RRBP1: variants seen among roughly 807,000 people sequenced by gnomAD.
RRBP1 encodes the protein ribosome-binding protein 1.
In RRBP1, 94 loss-of-function variants were observed where a neutral mutation model predicts 165.2. That is an observed-to-expected ratio of 0.57 (90% CI 0.48 to 0.68). RRBP1 has a LOEUF of 0.68. Among genes scored for constraint, RRBP1 ranks in the 30% least tolerant of loss-of-function variants. The pLI is 0.00. For missense variants in RRBP1, 1,676 were observed against 1,763.0 expected, an observed-to-expected ratio of 0.95 and a Z score of 0.88; for synonymous variants, 680 against 714.5, an observed-to-expected ratio of 0.95 and a Z score of 0.77.
At chr20:17,681,854 A>G (rs1245066024) in intron 1 of RRBP1, among the ~76,000 whole-genome samples, 174 bp downstream of exon 1, 1 of 145,934 alleles carries the variant, frequency 6.9e-6, no homozygotes, top group Non-Finnish European at 1.5e-5. Context: ...CCCCGCCCCG[A>G]GTCCGACCCC....
In RRBP1 at chr20:17,621,788, A is replaced by G; in HGVS notation, c.3241-15T>C. ...TCGGTGTAATTCTGCAATGAAACAC[A>G]TTCGGTGAGACCCGGGGACATTCCC... On this transcript the variant is annotated splice_polypyrimidine_tract_variant and intron_variant, in intron 14 of 24. Transcript: ENST00000377813. 6.2e-7 allele frequency: 1 copy of G among 1,613,774 alleles called. No individual in the cohort carries two copies. Among genetic ancestry groups the G allele is most frequent in the Non-Finnish European group, 8.5e-7 (1 of 1,179,874 alleles).
intron 2 of RRBP1, among the ~76,000 whole-genome samples, chr20:17,663,615 G>T (rs551534115): frequency 3.3e-5 from 5 of 152,178 alleles, no homozygotes; most frequent in Non-Finnish European, 4.4e-5. Context: ...CAAAGAAATC[G>T]AAATGAAAAA....
chr20:17,620,709 A>C lies in RRBP1; in HGVS notation c.3507+6T>G, dbSNP rs2035897557. ...GGCGCCGGGAGGCAGGCAGGGCTGC[A>C]TATACCTTCTGGAGCTCCTCCTCTG... On this transcript the variant is annotated splice_donor_region_variant and intron_variant, in intron 17 of 24. Coordinates refer to ENST00000377813, the MANE Select transcript of RRBP1 (RefSeq NM_001365613.2). 1.9e-6 allele frequency: 3 copies of C among 1,600,676 alleles called. No individual in the cohort carries two copies. The highest frequency in any genetic ancestry group is 2.5e-6 in the Non-Finnish European group (3 of 1,176,542).
intron 3 of RRBP1, among the ~76,000 whole-genome samples, chr20:17,646,061 C>G (rs2036456937): frequency 6.6e-6 from 1 of 152,144 alleles, no homozygotes; most frequent in Non-Finnish European, 1.5e-5. Flanking sequence ...AGCAACACCC[C>G]AGGGGCCAGG....
rs762636388 is a variant in RRBP1, at chr20:17,658,942, T to C, written c.1566A>G (p.Thr522=). 4.3e-6 allele frequency: 7 copies of C among 1,612,828 alleles called. No individual in the cohort carries two copies. The South Asian group carries it at 7.7e-5, about 18-fold the overall frequency. ...GEGAQNQGKK[T]EGAQGKKAER... ...CTGCCTTTTTGCCCTGAGCCCCTTCTGTCTTTTTACCCTGATTCTGGGCTC... is the reference window on the plus strand; with the variant it reads ...CTGCCTTTTTGCCCTGAGCCCCTTCCGTCTTTTTACCCTGATTCTGGGCTC... Residue 522 remains threonine, a synonymous_variant, in exon 3 of 25, where the codon ACA becomes ACG. Coordinates refer to ENST00000377813, the MANE Select transcript of RRBP1 (RefSeq NM_001365613.2).
intron 2 of RRBP1, among the ~76,000 whole-genome samples, chr20:17,672,916 C>T (rs2037004681): frequency 6.6e-6 from 1 of 152,174 alleles, no homozygotes; most frequent in African/African-American, 2.4e-5. Flanking sequence ...CAAGTTCAAA[C>T]ACAAGCAAAA....
At chr20:17,656,432 T>C (rs2036647069) in intron 3 of RRBP1, among the ~76,000 whole-genome samples, 1 of 152,204 alleles carries the variant, frequency 6.6e-6, no homozygotes, top group African/African-American at 2.4e-5. Flanking sequence ...ATTAAATCTA[T>C]TTCATCCAAA....
At chr20:17,636,356 TC>T (rs2069208434) in intron 6 of RRBP1, among the ~76,000 whole-genome samples, 2 of 152,194 alleles carry the variant, frequency 1.3e-5, no homozygotes, top group African/African-American at 4.8e-5. Flanking sequence ...ATTTCATACC[TC>T]CCTGGCTTTT....
Position 17,620,756 on chromosome 20 carries a change from A to T in RRBP1, c.3466T>A (p.Trp1156Arg), listed in dbSNP as rs571819358. The T allele has an allele frequency of 7.3e-5, 118 of 1,608,586 alleles. No individual in the cohort carries two copies. The South Asian group carries it at 1.2e-3, about 16-fold the overall frequency. Residue 1156 changes from tryptophan (W) to arginine (R), a missense_variant, in exon 17 of 25, where the codon TGG becomes AGG. Around this residue, in one of 5 missense-constraint regions of RRBP1, gnomAD observed 1,184 missense variants for 1,167.1 expected, o/e 1.01. Transcript: ENST00000377813. ...QKSVEEEEQV[W>R]RAKVGAAEEE... The stretch of plus-strand genomic sequence containing the variant: ...TCTGCGGCGCCCACCTTGGCCCTCC[A>T]CACCTGCTCCTCCTCCTCCACGCTC...
At chr20:17,622,290 G>A (rs1241944598) in intron 13 of RRBP1, among the ~76,000 whole-genome samples, 2 of 152,228 alleles carry the variant, frequency 1.3e-5, no homozygotes, top group African/African-American at 4.8e-5. Flanking sequence ...ATGTGTGCAT[G>A]TGTGGGGGAA....
intron 1 of RRBP1, 99 bp downstream of exon 1, chr20:17,681,929 C>T (rs1278629717): frequency 6.8e-6 from 1 of 147,240 alleles, no homozygotes; most frequent in Non-Finnish European, 1.5e-5. Context: ...GGAGGGGCCG[C>T]CGAGGAGACG....
chr20:17,615,310 T>C, intron 23 of RRBP1, 121 bp downstream of exon 23: 2 of 736,842 alleles, frequency 2.7e-6, no homozygotes, highest in Non-Finnish European at 4.4e-6. Context: ...GGGGAACCAG[T>C]GCCAAGGGCA....
intron 2 of RRBP1, among the ~76,000 whole-genome samples, chr20:17,662,378 T>G (rs772734301): frequency 1.3e-5 from 2 of 152,146 alleles, no homozygotes; most frequent in Non-Finnish European, 2.9e-5. Context: ...ACGAAGAAAC[T>G]TCCTAGCATA....
intron 11 of RRBP1, among the ~76,000 whole-genome samples, chr20:17,626,770 T>C (rs560003637): frequency 3.3e-5 from 5 of 152,036 alleles, no homozygotes; most frequent in African/African-American, 1.2e-4. Flanking sequence ...TTGGCCGGCC[T>C]TAGCAACAGC....
intron 19 of RRBP1, 80 bp from the exon 20 acceptor site, chr20:17,618,759 A>G: frequency 9.1e-7 from 1 of 1,101,854 alleles, no homozygotes; most frequent in Non-Finnish European, 1.4e-6. Context: ...TAGCGCCGAA[A>G]CATAAAACCT....
At chr20:17,681,831 G>T (rs1217150247) in intron 1 of RRBP1, among the ~76,000 whole-genome samples, 197 bp downstream of exon 1, 12 of 149,804 alleles carry the variant, frequency 8.0e-5, no homozygotes, top group African/African-American at 2.9e-4. Context: ...CCGGTACGGC[G>T]CTTGCCCGGC....
intron 3 of RRBP1, among the ~76,000 whole-genome samples, chr20:17,650,709 C>CA (rs1260531060): frequency 6.6e-6 from 1 of 152,184 alleles, no homozygotes; most frequent in African/African-American, 2.4e-5. Flanking sequence ...TCAGAATGTA[C>CA]ATATGTACTT....
At chr20:17,650,624 C>T (rs1044459555) in intron 3 of RRBP1, among the ~76,000 whole-genome samples, 1 of 152,232 alleles carries the variant, frequency 6.6e-6, no homozygotes, top group Non-Finnish European at 1.5e-5. Context: ...CTGTTTCCAA[C>T]CAGCAGCAAC....
At chr20:17,674,189 C>T (rs1306400442) in intron 2 of RRBP1, among the ~76,000 whole-genome samples, 1 of 152,186 alleles carries the variant, frequency 6.6e-6, no homozygotes, top group South Asian at 2.1e-4. Context: ...CAGACATTCC[C>T]GTTAGAAAGG....
Sources: allele counts gnomAD v4.1 joint callset (sites outside exome capture counted in the v4.1 genomes callset), GRCh38; gene constraint gnomAD v4.1.1; regional missense constraint gnomAD v4.1.1; transcripts MANE v1.5; gene names NCBI Gene and HGNC (gene_info 2026-07-23, HGNC 2026-07-21).